Variants in TBC1D19 observed in about 807,000 individuals in gnomAD.
The protein encoded by TBC1D19 is TBC1 domain family member 19.
Under a neutral mutation model 89.0 loss-of-function variants are expected in TBC1D19, and 60 were observed. That is an observed-to-expected ratio of 0.67 (90% CI 0.55 to 0.84). The LOEUF is 0.84. TBC1D19 is among the 40% of genes least tolerant of loss of function. TBC1D19 has a pLI of 0.00. For synonymous variants in TBC1D19, 189 were observed against 199.7 expected (o/e 0.95, Z 0.45); for missense variants, 500 against 610.8 (o/e 0.82, Z 1.91).
At chr4:26,769,717 T>C in the TBC1D19 span, among the ~76,000 whole-genome samples, 1 of 151,954 alleles carries the variant, frequency 6.6e-6, no homozygotes, top group Non-Finnish European at 1.5e-5. Flanking sequence ...GGCTAATTTT[T>C]GTATTTTTTT....
intron 13 of TBC1D19, among the ~76,000 whole-genome samples, chr4:26,699,419 T>G (rs1442873215): frequency 6.6e-6 from 1 of 152,224 alleles, no homozygotes; most frequent in East Asian, 1.9e-4. Context: ...TTGGTGGGAC[T>G]GTAAACTAGT....
At chr4:26,789,125 C>T in the TBC1D19 span, among the ~76,000 whole-genome samples, 39 of 152,308 alleles carry the variant, frequency 2.6e-4, no homozygotes, top group Middle Eastern at 0.017. Flanking sequence ...AATCTTAGCT[C>T]CATCATTTAT....
intron 14 of TBC1D19, 148 bp from the exon 15 acceptor site, chr4:26,719,933 A>G: frequency 1.9e-6 from 1 of 540,248 alleles, no homozygotes; most frequent in South Asian, 4.2e-5. Flanking sequence ...TGGCTGGTAC[A>G]TTTTTAAGTT....
Position 26,613,200 on chromosome 4 carries a change from A to C in TBC1D19, c.131A>C (p.Glu44Ala). ...CTTCAGAGACCTGAGATTAAACTTG[A>C]ATCACTGAAAGAAGATATTAAGGAA... ...ASLQRPEIKL[E>A]SLKEDIKEFF... Residue 44 changes from glutamate (E) to alanine (A), a missense_variant, in exon 2 of 21, where the codon GAA (glutamate) becomes GCA (alanine). Around this residue, in one of 2 missense-constraint regions of TBC1D19, gnomAD observed 280 missense variants for 291.7 expected, o/e 0.96. Transcript: ENST00000264866. 1 of 1,580,448 alleles carries C rather than the reference A, an allele frequency of 6.3e-7. No homozygotes were observed. Among genetic ancestry groups the C allele is most frequent in the Admixed American group, 1.8e-5 (1 of 57,056 alleles).
chr4:26,627,809 G>A (rs1369056315), intron 4 of TBC1D19, among the ~76,000 whole-genome samples: 3 of 151,966 alleles, frequency 2.0e-5, no homozygotes, highest in African/African-American at 7.3e-5. Flanking sequence ...TGAGTAGGTT[G>A]TGAAAATTTT....
chr4:26,813,131 G>A, the TBC1D19 span, among the ~76,000 whole-genome samples: 1 of 151,928 alleles, frequency 6.6e-6, no homozygotes, highest in East Asian at 1.9e-4. Context: ...GAGGTGGGAG[G>A]ATCATTTGAG....
chr4:26,692,282 A>T (rs1323123780), intron 13 of TBC1D19, among the ~76,000 whole-genome samples: 1 of 152,226 alleles, frequency 6.6e-6, no homozygotes, highest in African/African-American at 2.4e-5. Context: ...GAGTACCATC[A>T]GGAAGTTGTC....
Position 26,742,551 on chromosome 4 carries a change from C to T in TBC1D19, c.1271C>T (p.Thr424Ile), listed in dbSNP as rs927432076. 15 of 1,612,114 alleles carry T rather than the reference C, an allele frequency of 9.3e-6. No homozygotes were observed. The highest frequency in any genetic ancestry group is 1.3e-5 in the Non-Finnish European group (15 of 1,178,964). Residue 424 changes from threonine (T) to isoleucine (I), a missense_variant, in exon 18 of 21, where the codon ACT (threonine) becomes ATT (isoleucine). Physicochemically the swap from Thr to Ile is moderately conservative, Grantham distance 89. Coordinates refer to ENST00000264866, the MANE Select transcript of TBC1D19 (RefSeq NM_018317.4). ...LCLLFETLLQ[T>I]YLPQLFYHLR... ...CTGCTGTTTGAAACTCTTCTTCAAA[C>T]TTATCTTCCCCAACTCTTTTATCAT...
At chr4:26,792,712 G>A in the TBC1D19 span, among the ~76,000 whole-genome samples, 1 of 152,180 alleles carries the variant, frequency 6.6e-6, no homozygotes, top group South Asian at 2.1e-4. Context: ...TTCTCTCCAA[G>A]TCCTTGAGTA....
At chr4:26,691,853 C>A (rs1294547595) in intron 13 of TBC1D19, among the ~76,000 whole-genome samples, 1 of 152,126 alleles carries the variant, frequency 6.6e-6, no homozygotes, top group East Asian at 1.9e-4. Context: ...AACCTCTGTA[C>A]TTCAGAAATA....
intron 19 of TBC1D19, among the ~76,000 whole-genome samples, chr4:26,749,572 G>A (rs1260894239): frequency 4.0e-5 from 6 of 150,366 alleles, no homozygotes; most frequent in Non-Finnish European, 5.9e-5. Context: ...TCAGCCTCCC[G>A]AATAGCTGAG....
chr4:26,690,655 A>C (rs542969374), intron 13 of TBC1D19, among the ~76,000 whole-genome samples: 11 of 152,236 alleles, frequency 7.2e-5, no homozygotes, highest in Non-Finnish European at 1.3e-4. Flanking sequence ...ACATCTGTTA[A>C]CAGCATGGTC....
intron 18 of TBC1D19, among the ~76,000 whole-genome samples, chr4:26,744,803 GGTC>G (rs1232036808): frequency 6.6e-6 from 1 of 151,964 alleles, no homozygotes; most frequent in African/African-American, 2.4e-5. Flanking sequence ...GATCTGTCTT[GGTC>G]CATGTGCACC....
At chr4:26,804,560 G>A in the TBC1D19 span, among the ~76,000 whole-genome samples, 2 of 152,214 alleles carry the variant, frequency 1.3e-5, no homozygotes, top group Non-Finnish European at 2.9e-5. Context: ...GTAGGACCGC[G>A]GCTAAATGAA....
chr4:26,623,088 G>T (rs1164213568), intron 4 of TBC1D19, among the ~76,000 whole-genome samples: 1 of 152,048 alleles, frequency 6.6e-6, no homozygotes, highest in East Asian at 1.9e-4. Context: ...ATTTTGGGGG[G>T]CAATTCTCTC....
At chr4:26,689,681 T>C (rs141038826) in intron 13 of TBC1D19, among the ~76,000 whole-genome samples, 17 of 152,306 alleles carry the variant, frequency 1.1e-4, no homozygotes, top group African/African-American at 4.1e-4. Flanking sequence ...ACTGTAATTA[T>C]TTTGGAATGC....
At chr4:26,749,448 GTT>G (rs59744575) in intron 19 of TBC1D19, among the ~76,000 whole-genome samples, 5,833 of 107,030 alleles carry the variant, frequency 0.054, 142 homozygotes, top group Non-Finnish European at 0.086. Context: ...TATTCGGGTT[GTT>G]TTTTTTTTTT....
chr4:26,638,642 A>G (rs1396044093), intron 5 of TBC1D19, 129 bp from the exon 6 acceptor site: 1 of 679,842 alleles, frequency 1.5e-6, no homozygotes, highest in Admixed American at 3.0e-5. Context: ...CAAATTCAAC[A>G]TGTTTAATGA....
At chr4:26,586,284 A>G (rs1215167541) in intron 1 of TBC1D19, among the ~76,000 whole-genome samples, 1 of 151,188 alleles carries the variant, frequency 6.6e-6, no homozygotes, top group African/African-American at 2.4e-5. Flanking sequence ...AATCAATTAC[A>G]CACACACACA....
Sources: allele counts gnomAD v4.1 joint callset (sites outside exome capture counted in the v4.1 genomes callset), GRCh38; gene constraint gnomAD v4.1.1; regional missense constraint gnomAD v4.1.1; transcripts MANE v1.5; gene names NCBI Gene and HGNC (gene_info 2026-07-23, HGNC 2026-07-21).